Variants in IL11RA observed in about 807,000 individuals in gnomAD.
IL11RA encodes interleukin 11 receptor subunit alpha, also known as interleukin-11 receptor subunit alpha.
A neutral mutation model predicts 57.0 loss-of-function variants in IL11RA; 51 were observed. That is an observed-to-expected ratio of 0.89 (90% CI 0.71 to 1.13). The LOEUF (loss-of-function observed/expected upper bound fraction) is 1.13. IL11RA is among the 50% of genes most tolerant of loss of function. The pLI is 0.00. For synonymous variants in IL11RA, 199 were observed against 217.5 expected (o/e 0.91, Z 0.75); for missense variants, 498 against 539.4 (o/e 0.92, Z 0.76).
intron 1 of IL11RA, among the ~76,000 whole-genome samples, chr9:34,654,690 CAG>C (rs1294152884): frequency 6.6e-6 from 1 of 152,190 alleles, no homozygotes; most frequent in African/African-American, 2.4e-5. Context: ...GGGTGGGCCT[CAG>C]GGTGGGAGTG....
At chr9:34,655,098 C>T (rs529110414) in intron 1 of IL11RA, 120 bp from the exon 2 acceptor site, 1 of 743,300 alleles carries the variant, frequency 1.3e-6, no homozygotes, top group South Asian at 1.5e-5. Flanking sequence ...TTTCTAACAG[C>T]CTTACCCCAC....
Position 34,661,617 on chromosome 9 carries a change from C to G in IL11RA, c.*119C>G. 1 of 1,137,880 alleles carries G rather than the reference C, an allele frequency of 8.8e-7. No individual in the cohort carries two copies. Among genetic ancestry groups the G allele is most frequent in the South Asian group, 1.2e-5 (1 of 80,726 alleles). The allele number at this position is 1,137,880 out of a possible 1,614,324, so 70.5% of individuals were successfully genotyped here. ...TCTCAGCTGGAAGTTCTGTTTGGAG[C>G]CCATTTCTGTGAGACCCTGTATTTC... On this transcript the variant is annotated 3_prime_UTR_variant, in exon 13 of 13. Transcript: ENST00000441545.
rs1564105431 is a variant in IL11RA, at chr9:34,658,786, G to T, written c.810+103G>T. On this transcript the variant is annotated intron_variant, in intron 8 of 12. Coordinates refer to ENST00000441545, the MANE Select transcript of IL11RA (RefSeq NM_001142784.3). This position sits in a 1 kb window ranked among gnomAD's most constrained non-coding sequence, Gnocchi z 4.0. ...TTTCCAGTGCTGGCAGGTCACTGAAGACCCAACACTTCCCTGTGGGCCAGG... is the reference window on the plus strand; with the variant it reads ...TTTCCAGTGCTGGCAGGTCACTGAATACCCAACACTTCCCTGTGGGCCAGG... The T allele has an allele frequency of 7.7e-7, 1 of 1,299,178 alleles. No homozygotes were observed. Among genetic ancestry groups the T allele is most frequent in the East Asian group, 2.3e-5 (1 of 42,574 alleles). 80.5% of individuals were successfully genotyped at this position (1,299,178 alleles called of 1,614,324 possible).
Position 34,652,915 on chromosome 9 carries a change from G to A in IL11RA, c.-1+682G>A, listed in dbSNP as rs375568949. Among the ~76,000 whole-genome samples the A allele has an allele frequency of 5.2e-4, 79 of 152,192 alleles. 1 individual carries two copies. In the South Asian group the frequency reaches 0.015, roughly 29 times the overall value. On this transcript the variant is annotated intron_variant, in intron 1 of 12. Transcript: ENST00000441545. ...CTTGGCTCAGTTTCCCTTACGTGCC[G>A]TTTTCTGTCCCTATTGCTGTCTTAC...
At chr9:34,655,788 C>T in intron 3 of IL11RA, 123 bp downstream of exon 3, 1 of 815,848 alleles carries the variant, frequency 1.2e-6, no homozygotes, top group Non-Finnish European at 2.1e-6. Context: ...CTCTATCTGT[C>T]CTAACCGTCT....
chr9:34,660,995 C>T, intron 12 of IL11RA, 59 bp downstream of exon 12: 3 of 1,373,078 alleles, frequency 2.2e-6, no homozygotes, highest in Non-Finnish European at 3.1e-6. Context: ...TTTGAGTGTC[C>T]AGATTAAGAG....
chr9:34,657,252 GCAGAAGGCCCTCTTTTCCTTCCTGACTT>G, intron 5 of IL11RA, 23 bp from the exon 6 acceptor site: 1 of 1,613,382 alleles, frequency 6.2e-7, no homozygotes, highest in Non-Finnish European at 8.5e-7. Context: ...CTCAGAGAGG[GCAGAAGGCCCTCTTTTCCTTCCTGACTT>G]CAGATGGCCC....
intron 9 of IL11RA, 151 bp downstream of exon 9, chr9:34,660,051 C>A (rs994722328): frequency 1.6e-6 from 2 of 1,227,388 alleles, no homozygotes; most frequent in Admixed American, 2.0e-5. Flanking sequence ...TGCCTACAGC[C>A]CTGTCTTAGC....
At chr9:34,656,469 AAAAT>A in intron 3 of IL11RA, among the ~76,000 whole-genome samples, 1 of 152,318 alleles carries the variant, frequency 6.6e-6, no homozygotes. Context: ...CAGCTAGTGC[AAAAT>A]GTCCTGAGGT....
rs11575578 is a variant in IL11RA, at chr9:34,656,482, G to A, written c.162-257G>A. Among the ~76,000 whole-genome samples the A allele has an allele frequency of 0.047, 7,143 of 152,258 alleles. 257 individuals are homozygous for A. The highest frequency in any genetic ancestry group is 0.068 in the South Asian group (330 of 4,828). On this transcript the variant is annotated intron_variant, in intron 3 of 12. Transcript: ENST00000441545. ...AGCAGCTAGTGCAAAATGTCCTGAG[G>A]TGGGAATGAGCTCAATACCCCCGAG... is the stretch of plus-strand genomic sequence containing the variant.
Position 34,653,829 on chromosome 9 carries a change from G to A in IL11RA, c.1-1389G>A, listed in dbSNP as rs892589370. On this transcript the variant is annotated intron_variant, in intron 1 of 12. Coordinates refer to ENST00000441545, the MANE Select transcript of IL11RA (RefSeq NM_001142784.3). This position sits in a 1 kb window ranked among gnomAD's most constrained non-coding sequence, Gnocchi z 4.5. ...GGAGGGAGGAGGCAGGAGCAGGGAGGGGGCCTGGCTAGGGGCGGCAGAGCT... is the reference window on the plus strand; with the variant it reads ...GGAGGGAGGAGGCAGGAGCAGGGAGAGGGCCTGGCTAGGGGCGGCAGAGCT... The A allele has an allele frequency of 1.3e-5, 2 of 152,798 alleles. No homozygotes were observed. Among genetic ancestry groups the A allele is most frequent in the Non-Finnish European group, 2.9e-5 (2 of 68,460 alleles). 9.5% of individuals were successfully genotyped at this position (152,798 alleles called of 1,614,324 possible). A position where few individuals can be genotyped will look rare whatever the true frequency, so the allele number is the denominator to read the frequency against.
intron 7 of IL11RA, 105 bp downstream of exon 7, chr9:34,657,692 C>G: frequency 8.9e-7 from 1 of 1,119,458 alleles, no homozygotes. Flanking sequence ...AACCTAGACT[C>G]CATTTCACAC....
At chr9:34,661,033 G>T (rs1416835952) in intron 12 of IL11RA, 97 bp downstream of exon 12, 2 of 1,015,822 alleles carry the variant, frequency 2.0e-6, no homozygotes, top group East Asian at 2.4e-5. Context: ...TTTAAAACAT[G>T]CTGGGAATCC....
intron 7 of IL11RA, among the ~76,000 whole-genome samples, chr9:34,657,863 C>T (rs554770280): frequency 6.6e-6 from 1 of 152,366 alleles, no homozygotes; most frequent in South Asian, 2.1e-4. Context: ...TATGTCATGT[C>T]CTCCCTTGCT....
At chr9:34,657,955 T>C (rs1821379876) in intron 7 of IL11RA, among the ~76,000 whole-genome samples, 1 of 152,234 alleles carries the variant, frequency 6.6e-6, no homozygotes, top group African/African-American at 2.4e-5. Flanking sequence ...CTTCCTTGGA[T>C]GAAAATAGGA....
rs755525187 is a variant in IL11RA, at chr9:34,655,633, C to T, written c.129C>T (p.Ser43=). 5.6e-6 allele frequency: 9 copies of T among 1,613,968 alleles called. No homozygotes were observed. Among genetic ancestry groups the T allele is most frequent in the Middle Eastern group, 3.3e-4 (2 of 6,082 alleles). The change falls in exon 3 of 13, where the codon TCC becomes TCT. Residue 43 remains serine, a synonymous_variant. Coordinates refer to ENST00000441545, the MANE Select transcript of IL11RA (RefSeq NM_001142784.3). Reference sequence around the variant, plus strand: ...TCCAGTATGGGCAGCCAGGCAGGTCCGTGAAGCTGTGTTGTCCTGGAGTGA... The same window carrying T: ...TCCAGTATGGGCAGCCAGGCAGGTCTGTGAAGCTGTGTTGTCCTGGAGTGA... ...PGVQYGQPGR[S]VKLCCPGVTA...
At position 34,661,724 on chromosome 9, in the gene IL11RA, C is replaced by T. The variant is rs543295318; in HGVS notation, c.*226C>T. On this transcript the variant is annotated 3_prime_UTR_variant, in exon 13 of 13. Transcript: ENST00000441545. ...GCTCAAGGAACGTGTGTAATGTGTA[C>T]ATCTGTGTCCATGTGTGACCATGTG... 13 of 698,792 alleles carry T rather than the reference C, an allele frequency of 1.9e-5. No individual in the cohort carries two copies. The East Asian group carries it at 2.9e-4, about 16-fold the overall frequency. 43.3% of individuals were successfully genotyped at this position (698,792 alleles called of 1,614,324 possible).
At chr9:34,659,438 A>G (rs1821408684) in intron 8 of IL11RA, among the ~76,000 whole-genome samples, 1 of 152,122 alleles carries the variant, frequency 6.6e-6, no homozygotes, top group Non-Finnish European at 1.5e-5. Flanking sequence ...TTTTGCATAC[A>G]TTGTTTTGTT....
chr9:34,660,257 G>T lies in IL11RA; in HGVS notation c.953-17G>T. ...CCACCAGCGTATGGACACTTATTGG[G>T]TCTTGCCTTCCTTTAGGGACCATAC... On this transcript the variant is annotated splice_polypyrimidine_tract_variant and intron_variant, in intron 9 of 12. Coordinates refer to ENST00000441545, the MANE Select transcript of IL11RA (RefSeq NM_001142784.3). 2 of 1,614,186 alleles carry T rather than the reference G, an allele frequency of 1.2e-6. No homozygotes were observed. Among genetic ancestry groups the T allele is most frequent in the Non-Finnish European group, 1.7e-6 (2 of 1,180,018 alleles).
Sources: gnomAD v4.1 joint callset for allele counts (sites outside exome capture counted in the v4.1 genomes callset) on GRCh38, gnomAD v4.1.1 for gene constraint, Gnocchi (gnomAD v3.1) non-coding constraint, MANE v1.5 for transcripts, NCBI Gene and HGNC (gene_info 2026-07-23, HGNC 2026-07-21) for gene names.